PTPRO: variants seen among roughly 807,000 people sequenced by gnomAD.
PTPRO encodes protein tyrosine phosphatase receptor type O, also known as receptor-type tyrosine-protein phosphatase O.
In PTPRO, 62 loss-of-function variants were observed where a neutral mutation model predicts 145.2. That is an observed-to-expected ratio of 0.43 (90% CI 0.35 to 0.53). PTPRO has a LOEUF of 0.53. PTPRO is among the 20% of genes least tolerant of loss of function. The probability of loss-of-function intolerance (pLI) is 0.01; values close to 1 mark genes in which losing one functional copy is unlikely to be tolerated. For synonymous variants in PTPRO, 565 were observed against 514.7 expected (o/e 1.10, Z -1.32); for missense variants, 1,345 against 1,482.7 (o/e 0.91, Z 1.53).
At chr12:15,413,357 C>G (rs191985801) in intron 1 of PTPRO, among the ~76,000 whole-genome samples, 1 of 152,246 alleles carries the variant, frequency 6.6e-6, no homozygotes, top group Admixed American at 6.5e-5. Context: ...CTGGGTTTCT[C>G]AAAGCGCTGG....
chr12:15,424,953 T>C (rs1333495714), intron 1 of PTPRO, among the ~76,000 whole-genome samples: 1 of 152,158 alleles, frequency 6.6e-6, no homozygotes, highest in African/African-American at 2.4e-5. Context: ...AAGTGCTTTC[T>C]TCTTAAAGCT....
intron 13 of PTPRO, among the ~76,000 whole-genome samples, chr12:15,548,534 G>A (rs1943363024): frequency 6.6e-6 from 1 of 151,550 alleles, no homozygotes; most frequent in Non-Finnish European, 1.5e-5. Flanking sequence ...ATATATGTGT[G>A]TGTGTGTGTG....
intron 1 of PTPRO, among the ~76,000 whole-genome samples, chr12:15,400,788 T>A (rs1398827138): frequency 1.3e-5 from 2 of 152,230 alleles, no homozygotes; most frequent in Non-Finnish European, 2.9e-5. Context: ...AACTCCTACC[T>A]TCATGTATCT....
Position 15,516,517 on chromosome 12 carries a change from GA to G in PTPRO, c.1586-241del, listed in dbSNP as rs57482917. Among the ~76,000 whole-genome samples, 555 of 36,258 alleles carry G rather than the reference GA, an allele frequency of 0.015. 4 individuals carry two copies. The highest frequency in any genetic ancestry group is 0.036 in the African/African-American group (508 of 14,138). The allele number at this position is 36,258 out of a possible 152,430, so 23.8% of individuals were successfully genotyped here. A position where few individuals can be genotyped will look rare whatever the true frequency, so the allele number is the denominator to read the frequency against. On this transcript the variant is annotated intron_variant, in intron 8 of 26. Coordinates refer to ENST00000281171, the MANE Select transcript of PTPRO (RefSeq NM_030667.3). ...GAAAGAAAGAAAAGAAAGAAAGAAA[GA>G]AAAAGAAAAGAAAAGATGAAAGGAG...
At chr12:15,344,832 T>C (rs901495727) in intron 1 of PTPRO, among the ~76,000 whole-genome samples, 3 of 152,168 alleles carry the variant, frequency 2.0e-5, no homozygotes, top group Admixed American at 6.5e-5. Context: ...TTTAATACAA[T>C]GTTCCTGCTC....
At chr12:15,481,562 A>G (rs569111449) in intron 1 of PTPRO, among the ~76,000 whole-genome samples, 3 of 152,314 alleles carry the variant, frequency 2.0e-5, no homozygotes, top group African/African-American at 4.8e-5. Flanking sequence ...GATCAACCAC[A>G]TGAAAAGCAC....
intron 9 of PTPRO, among the ~76,000 whole-genome samples, chr12:15,518,588 C>G (rs968921835): frequency 2.0e-5 from 3 of 152,168 alleles, no homozygotes; most frequent in African/African-American, 7.2e-5. Flanking sequence ...CTCTGTTTCC[C>G]TTTTAAAACT....
chr12:15,535,393 G>C (rs1943046773), intron 12 of PTPRO, among the ~76,000 whole-genome samples: 1 of 152,084 alleles, frequency 6.6e-6, no homozygotes, highest in Non-Finnish European at 1.5e-5. Flanking sequence ...GAAAGAGAGA[G>C]TGGAAAGGAA....
At position 15,345,013 on chromosome 12, in the gene PTPRO, T is replaced by C. The variant is rs78198511; in HGVS notation, c.75+22212T>C. Among the ~76,000 whole-genome samples the C allele has an allele frequency of 7.0e-3, 1,070 of 152,364 alleles. 7 individuals are homozygous for C. The highest frequency in any genetic ancestry group is 0.012 in the Non-Finnish European group (825 of 68,040). ...CCAAGCTCCTATCATCCTATCTTTCTACAATCTCTTTTCTTATTCTCTGTT... is the reference window on the plus strand; with the variant it reads ...CCAAGCTCCTATCATCCTATCTTTCCACAATCTCTTTTCTTATTCTCTGTT... On this transcript the variant is annotated intron_variant, in intron 1 of 26. Coordinates refer to ENST00000281171, the MANE Select transcript of PTPRO (RefSeq NM_030667.3).
intron 1 of PTPRO, among the ~76,000 whole-genome samples, chr12:15,450,960 T>C (rs1490368647): frequency 1.3e-5 from 2 of 151,876 alleles, no homozygotes; most frequent in Non-Finnish European, 2.9e-5. Context: ...AATAGCACAA[T>C]GAATAGAATG....
intron 12 of PTPRO, chr12:15,546,236 C>T: frequency 1.2e-6 from 1 of 815,702 alleles, no homozygotes; most frequent in Non-Finnish European, 1.5e-6. Context: ...GTTTCTCATC[C>T]AGGAAGTTCT....
intron 15 of PTPRO, among the ~76,000 whole-genome samples, chr12:15,555,286 G>A (rs1268190053): frequency 6.6e-6 from 1 of 152,118 alleles, no homozygotes; most frequent in Non-Finnish European, 1.5e-5. Flanking sequence ...TTGCGTTAGA[G>A]CTTTAGACTG....
chr12:15,332,487 T>C (rs986420901), intron 1 of PTPRO, among the ~76,000 whole-genome samples: 6 of 152,224 alleles, frequency 3.9e-5, no homozygotes, highest in African/African-American at 1.2e-4. Context: ...TCAGTAATTG[T>C]ACATGTAAAA....
chr12:15,562,007 G>A lies in PTPRO; in HGVS notation c.2711+1731G>A, dbSNP rs528056135. 1.6e-4 allele frequency among the ~76,000 whole-genome samples: 25 copies of A among 152,148 alleles called. 1 individual carries two copies. In the South Asian group the frequency reaches 5.0e-3, roughly 30 times the overall value. On this transcript the variant is annotated intron_variant, in intron 17 of 26. Transcript: ENST00000281171. Reference sequence around the variant, plus strand: ...TCAAATAGCACGAGGCCCAACTTATGGGGAGAAAATACCCTTCAGTAATTT... The same window carrying A: ...TCAAATAGCACGAGGCCCAACTTATAGGGAGAAAATACCCTTCAGTAATTT...
chr12:15,546,199 C>A, intron 12 of PTPRO: 1 of 393,606 alleles, frequency 2.5e-6, no homozygotes, highest in Non-Finnish European at 3.5e-6. Flanking sequence ...TTTCATTTTT[C>A]TCCACCTTTA....
chr12:15,415,415 C>T (rs547881889), intron 1 of PTPRO, among the ~76,000 whole-genome samples: 11 of 148,174 alleles, frequency 7.4e-5, no homozygotes, highest in South Asian at 2.1e-4. Flanking sequence ...GATGGAGTCT[C>T]GCTCTGTCGC....
At chr12:15,480,721 AGATGGATGGATGGATG>A (rs58620856) in intron 1 of PTPRO, among the ~76,000 whole-genome samples, 78,317 of 150,842 alleles carry the variant, frequency 0.52, 21,469 homozygotes, top group Middle Eastern at 0.67. Context: ...CTGATGTAGA[AGATGGATGGATGGATG>A]GATGGATGGA....
At chr12:15,580,016 T>A in intron 20 of PTPRO, 23 bp from the exon 21 acceptor site, 4 of 1,600,228 alleles carry the variant, frequency 2.5e-6, no homozygotes, top group Non-Finnish European at 3.4e-6. Flanking sequence ...ATTTTAATAT[T>A]TTTTTCTCCT....
chr12:15,484,221 C>A lies in PTPRO; in HGVS notation c.323C>A (p.Pro108Gln), dbSNP rs749655272. The A allele has an allele frequency of 6.2e-6, 10 of 1,613,246 alleles. No individual in the cohort carries two copies. Among genetic ancestry groups the A allele is most frequent in the Non-Finnish European group, 8.5e-6 (10 of 1,179,602 alleles). ...VVVNGNVVTK[P>Q]SRSITVLTKP... ...GTAAATGGAAATGTGGTGACCAAGC[C>A]ATCCAGATCAATCACTGTGTTAACA... Residue 108 changes from proline to glutamine, a missense_variant, in exon 2 of 27, where the codon CCA becomes CAA. Transcript: ENST00000281171.
Sources: allele counts gnomAD v4.1 joint callset (sites outside exome capture counted in the v4.1 genomes callset), GRCh38; gene constraint gnomAD v4.1.1; transcripts MANE v1.5; gene names NCBI Gene and HGNC (gene_info 2026-07-23, HGNC 2026-07-21).